Variants in SIM2 observed in about 807,000 individuals in gnomAD.
SIM2 encodes SIM bHLH transcription factor 2.
SIM2 carries 28 observed loss-of-function variants against 64.8 expected under a neutral mutation model. That is an observed-to-expected ratio of 0.43 (90% CI 0.32 to 0.59). The LOEUF is 0.59. SIM2 is among the 20% of genes least tolerant of loss of function. SIM2 has a pLI of 0.07. For missense variants in SIM2, 847 were observed against 871.4 expected (o/e 0.97, Z 0.35); for synonymous variants, 408 against 391.1 (o/e 1.04, Z -0.51).
intron 8 of SIM2, among the ~76,000 whole-genome samples, chr21:36,742,654 A>T (rs2089177651): frequency 6.6e-6 from 1 of 152,108 alleles, no homozygotes; most frequent in South Asian, 2.1e-4. Context: ...ACGTTCAATC[A>T]CCTTGCTCCA....
intron 1 of SIM2, among the ~76,000 whole-genome samples, chr21:36,708,835 T>G (rs2088628643): frequency 6.6e-6 from 1 of 152,168 alleles, no homozygotes; most frequent in South Asian, 2.1e-4. Flanking sequence ...CAAAGCAGAT[T>G]AGATTACTTT....
chr21:36,711,275 C>T (rs928843), intron 2 of SIM2, among the ~76,000 whole-genome samples: 120,195 of 152,280 alleles, frequency 0.79, 47,991 homozygotes, highest in African/African-American at 0.92. Flanking sequence ...ATTAAGCAAG[C>T]ATGCCAAATG....
At chr21:36,704,258 A>G (rs2088547461) in intron 1 of SIM2, among the ~76,000 whole-genome samples, 1 of 152,206 alleles carries the variant, frequency 6.6e-6, no homozygotes, top group African/African-American at 2.4e-5. Flanking sequence ...AAGCGACTTG[A>G]TTTGGAGAGT....
At chr21:36,725,271 G>C (rs1403946131) in intron 5 of SIM2, among the ~76,000 whole-genome samples, 5 of 152,146 alleles carry the variant, frequency 3.3e-5, no homozygotes, top group Non-Finnish European at 7.4e-5. Context: ...GATCACTTGA[G>C]CCTGGGAGGT....
chr21:36,702,521 A>G (rs1051485624), intron 1 of SIM2, among the ~76,000 whole-genome samples: 3 of 152,202 alleles, frequency 2.0e-5, no homozygotes, highest in African/African-American at 7.2e-5. Flanking sequence ...GGGGCTGAGG[A>G]GTAGGGAAGC....
At chr21:36,727,624 G>A (rs1244600791) in intron 6 of SIM2, among the ~76,000 whole-genome samples, 1 of 152,200 alleles carries the variant, frequency 6.6e-6, no homozygotes, top group Non-Finnish European at 1.5e-5. Flanking sequence ...TTTAGCTCTT[G>A]GCAGGTAGGT....
At chr21:36,715,585 A>G (rs1036249969) in intron 3 of SIM2, among the ~76,000 whole-genome samples, 4 of 152,202 alleles carry the variant, frequency 2.6e-5, no homozygotes, top group African/African-American at 4.8e-5. Flanking sequence ...AAAACTTTCA[A>G]TTACCTTCAA....
At chr21:36,719,168 G>T (rs958631227) in intron 3 of SIM2, among the ~76,000 whole-genome samples, 10 of 152,260 alleles carry the variant, frequency 6.6e-5, no homozygotes, top group African/African-American at 2.2e-4. Flanking sequence ...CACACCCCTG[G>T]GCGGGAGCCA....
chr21:36,743,311 C>T (rs545900271), intron 8 of SIM2, 76 bp from the exon 9 acceptor site: 8 of 1,387,090 alleles, frequency 5.8e-6, no homozygotes, highest in African/African-American at 1.5e-5. Flanking sequence ...AACGCCCTGC[C>T]CAAGGGCTGG....
chr21:36,723,703 A>G (rs998122392), intron 5 of SIM2, among the ~76,000 whole-genome samples: 5 of 152,252 alleles, frequency 3.3e-5, no homozygotes, highest in African/African-American at 9.6e-5. Flanking sequence ...GGGACGGCAG[A>G]AGGGGCTTGG....
At chr21:36,740,053 A>AAGAAAG (rs1333786100) in intron 7 of SIM2, among the ~76,000 whole-genome samples, 2 of 132,406 alleles carry the variant, frequency 1.5e-5, no homozygotes, top group African/African-American at 5.2e-5. Context: ...GAAAGAAAGA[A>AAGAAAG]AGAAAGAGAA....
At chr21:36,702,914 A>G (rs1398662886) in intron 1 of SIM2, among the ~76,000 whole-genome samples, 1 of 144,516 alleles carries the variant, frequency 6.9e-6, no homozygotes, top group Admixed American at 7.2e-5. Context: ...TAAAGAATCT[A>G]GAGACCAGCT....
At position 36,747,883 on chromosome 21, in the gene SIM2, C is replaced by A; in HGVS notation, c.1795C>A (p.Leu599Met). 9.3e-7 allele frequency: 1 copy of A among 1,072,238 alleles called. No individual in the cohort carries two copies. Among genetic ancestry groups the A allele is most frequent in the Non-Finnish European group, 1.1e-6 (1 of 877,978 alleles). The allele number at this position is 1,072,238 out of a possible 1,614,324, so 66.4% of individuals were successfully genotyped here. ...PGAPAQLPFV[L>M]LNYHRVLARR... ...CGCGCCGGCGCAGCTGCCCTTCGTG[C>A]TGCTCAACTACCACCGCGTGCTGGC... Residue 599 changes from leucine (L) to methionine (M), a missense_variant, in exon 11 of 11, where the codon CTG (leucine) becomes ATG (methionine). Physicochemically the swap from Leu to Met is conservative, Grantham distance 15. Around this residue, in one of 3 missense-constraint regions of SIM2, gnomAD observed 447 missense variants for 414.6 expected, o/e 1.08. Coordinates refer to ENST00000290399, the MANE Select transcript of SIM2 (RefSeq NM_005069.6). This position sits in a 1 kb window ranked among gnomAD's most constrained non-coding sequence, Gnocchi z 4.5.
At chr21:36,706,306 G>A (rs2123418131) in intron 1 of SIM2, among the ~76,000 whole-genome samples, 1 of 152,286 alleles carries the variant, frequency 6.6e-6, no homozygotes. Context: ...ACTTCCAACA[G>A]CACAGCGTCC....
At position 36,717,540 on chromosome 21, in the gene SIM2, C is replaced by A. The variant is rs1312590255; in HGVS notation, c.349-2281C>A. Reference sequence around the variant, plus strand: ...TCGGCTTACTGCAAACTGCGCCTCCCGGGTTCAGACGATTCTCCTGCCTCG... The same window carrying A: ...TCGGCTTACTGCAAACTGCGCCTCCAGGGTTCAGACGATTCTCCTGCCTCG... On this transcript the variant is annotated intron_variant, in intron 3 of 10. Coordinates refer to ENST00000290399, the MANE Select transcript of SIM2 (RefSeq NM_005069.6). Among the ~76,000 whole-genome samples, 5 of 151,510 alleles carry A rather than the reference C, an allele frequency of 3.3e-5. No individual in the cohort carries two copies. The South Asian group carries it at 8.4e-4, about 25-fold the overall frequency.
In SIM2 at chr21:36,745,369, G is replaced by C; in HGVS notation, c.1576+233G>C. ...GGGGACACTAGTGACAGTATAAAGG[G>C]CAAAGGAAAACCGAGTATCTGGCCT... On this transcript the variant is annotated intron_variant, in intron 10 of 10. Transcript: ENST00000290399. This position sits in a 1 kb window ranked among gnomAD's most constrained non-coding sequence, Gnocchi z 4.8. The C allele has an allele frequency of 3.6e-6, 5 of 1,404,794 alleles. No homozygotes were observed. The highest frequency in any genetic ancestry group is 4.7e-6 in the Non-Finnish European group (5 of 1,071,198). 87.0% of individuals were successfully genotyped at this position (1,404,794 alleles called of 1,614,324 possible).
At chr21:36,722,900 C>T in intron 4 of SIM2, 145 bp from the exon 5 acceptor site, 4 of 679,114 alleles carry the variant, frequency 5.9e-6, no homozygotes, top group African/African-American at 1.8e-5. Flanking sequence ...TCAGCCAAGG[C>T]CGAAGATCTC....
rs2088893281 is a variant in SIM2, at chr21:36,726,521, A to G, written c.743+203A>G. ...AGGGCTTGTTTTACTTTATTTACTT[A>G]TTGATTTACTTATTTTATTTACTTA... On this transcript the variant is annotated intron_variant, in intron 6 of 10. Coordinates refer to ENST00000290399, the MANE Select transcript of SIM2 (RefSeq NM_005069.6). The surrounding 1 kb of genome is among the most constrained non-coding windows in gnomAD (Gnocchi z 4.5). Among the ~76,000 whole-genome samples, 1 of 152,204 alleles carries G rather than the reference A, an allele frequency of 6.6e-6. No individual in the cohort carries two copies. The highest frequency in any genetic ancestry group is 1.5e-5 in the Non-Finnish European group (1 of 68,034).
At chr21:36,704,903 C>T (rs1362561755) in intron 1 of SIM2, among the ~76,000 whole-genome samples, 1 of 152,244 alleles carries the variant, frequency 6.6e-6, no homozygotes, top group Non-Finnish European at 1.5e-5. Flanking sequence ...TTTTCAGGGA[C>T]CCCGGGGAGA....
Sources: gnomAD v4.1 joint callset for allele counts (sites outside exome capture counted in the v4.1 genomes callset) on GRCh38, gnomAD v4.1.1 for gene constraint, gnomAD v4.1.1 regional missense constraint, Gnocchi (gnomAD v3.1) non-coding constraint, MANE v1.5 for transcripts, NCBI Gene and HGNC (gene_info 2026-07-23, HGNC 2026-07-21) for gene names.